The following MIER1 variants were observed in gnomAD, a reference collection of about 807,000 sequenced individuals.
The protein encoded by MIER1 is MIER1 transcriptional regulator, also known as mesoderm induction early response protein 1.
A neutral mutation model predicts 75.7 loss-of-function variants in MIER1; 40 were observed. The ratio of observed to expected loss-of-function variants is 0.53; its 90% CI spans 0.41 to 0.69. MIER1 has a LOEUF of 0.69. Among genes scored for constraint, MIER1 ranks in the 30% least tolerant of loss-of-function variants. MIER1 has a pLI of 0.00. For missense variants in MIER1, 574 were observed against 680.2 expected, an observed-to-expected ratio of 0.84 and a Z score of 1.74; for synonymous variants, 213 against 223.4, an observed-to-expected ratio of 0.95 and a Z score of 0.42.
Position 66,981,880 on chromosome 1 carries a change from A to T in MIER1, c.1331A>T (p.Glu444Val). The change falls in exon 13 of 14, where the codon GAG becomes GTG. Residue 444 changes from glutamate (E) to valine (V), a missense_variant. Transcript: ENST00000401041. ...TASNSSNSQS[E>V]KEDGTVSTAN... Reference sequence around the variant, plus strand: ...TCAAACAGTAGTAACAGCCAGTCTGAGAAAGAAGATGGCACTGTAAGCACT... The same window carrying T: ...TCAAACAGTAGTAACAGCCAGTCTGTGAAAGAAGATGGCACTGTAAGCACT... 6.2e-7 allele frequency: 1 copy of T among 1,614,092 alleles called. No homozygotes were observed. The highest frequency in any genetic ancestry group is 8.5e-7 in the Non-Finnish European group (1 of 1,179,916).
At chr1:66,977,429 A>T (rs1167404953) in intron 12 of MIER1, among the ~76,000 whole-genome samples, 3 of 151,948 alleles carry the variant, frequency 2.0e-5, no homozygotes. Flanking sequence ...TTTATAGAGG[A>T]AAAAAAACAT....
intron 2 of MIER1, among the ~76,000 whole-genome samples, chr1:66,931,111 C>A (rs976819409): frequency 6.8e-6 from 1 of 147,640 alleles, no homozygotes; most frequent in African/African-American, 2.5e-5. Flanking sequence ...TCTTTCTCTT[C>A]TAATTTTTCT....
chr1:66,941,645 AGGCT>A (rs907407556), intron 3 of MIER1, among the ~76,000 whole-genome samples: 3 of 152,194 alleles, frequency 2.0e-5, no homozygotes, highest in African/African-American at 4.8e-5. Context: ...GAATCAGCCT[AGGCT>A]GAACTGGAAG....
At chr1:66,976,826 T>G in intron 12 of MIER1, 104 bp downstream of exon 12, 3 of 1,013,008 alleles carry the variant, frequency 3.0e-6, no homozygotes, top group Non-Finnish European at 2.7e-6. Flanking sequence ...TTTATATACT[T>G]GATCTTAACC....
At chr1:66,977,573 A>G (rs1664978508) in intron 12 of MIER1, among the ~76,000 whole-genome samples, 1 of 152,152 alleles carries the variant, frequency 6.6e-6, no homozygotes, top group African/African-American at 2.4e-5. Flanking sequence ...CTTTATGTAA[A>G]ATGTCTGATA....
rs1666810249 is a variant in MIER1 at position 66,986,583 on chromosome 1, CAT to C, written c.*1686_*1687del. On this transcript the variant is annotated 3_prime_UTR_variant, in exon 14 of 14. Coordinates refer to ENST00000401041, the MANE Select transcript of MIER1 (RefSeq NM_001077700.3). ...TACCCCCATGAAGTATTACTGTTAA[CAT>C]ATGTTCGGACTGCTTCCCTTCACCA... 2.2e-6 allele frequency: 2 copies of C among 890,282 alleles called. No homozygotes were observed. Among genetic ancestry groups the C allele is most frequent in the Non-Finnish European group, 3.6e-6 (2 of 551,126 alleles). The allele number at this position is 890,282 out of a possible 1,614,324, so 55.1% of individuals were successfully genotyped here.
At chr1:66,925,710 C>T (rs1249148675) in intron 1 of MIER1, among the ~76,000 whole-genome samples, 2 of 152,202 alleles carry the variant, frequency 1.3e-5, no homozygotes, top group African/African-American at 4.8e-5. Context: ...GGCTAGGTCC[C>T]TGGCCTGGAG....
At position 66,986,290 on chromosome 1, in the gene MIER1, A is replaced by G. The variant is rs949647122; in HGVS notation, c.*1390A>G. ...ATCTGCATAGCCTTGTAAAAGTGCCATTTTATTTTTAGTGCTAAATTCTTG... is the reference window on the plus strand; with the variant it reads ...ATCTGCATAGCCTTGTAAAAGTGCCGTTTTATTTTTAGTGCTAAATTCTTG... On this transcript the variant is annotated 3_prime_UTR_variant, in exon 14 of 14. Transcript: ENST00000401041. 4 of 1,469,042 alleles carry G rather than the reference A, an allele frequency of 2.7e-6. No individual in the cohort carries two copies. The highest frequency in any genetic ancestry group is 3.6e-6 in the Non-Finnish European group (4 of 1,117,392). The allele number at this position is 1,469,042 out of a possible 1,614,324, so 91.0% of individuals were successfully genotyped here.
At chr1:66,957,107 TATA>T (rs1281170502) in intron 4 of MIER1, among the ~76,000 whole-genome samples, 2 of 152,226 alleles carry the variant, frequency 1.3e-5, no homozygotes, top group East Asian at 3.8e-4. Context: ...TGCATGAGTG[TATA>T]ATATGTTCAC....
intron 11 of MIER1, among the ~76,000 whole-genome samples, chr1:66,973,237 T>TA (rs1664059780): frequency 1.3e-5 from 2 of 152,126 alleles, no homozygotes; most frequent in Non-Finnish European, 2.9e-5. Context: ...ACAAGCATGT[T>TA]AATCAACTTC....
In MIER1 at chr1:66,981,855, T is replaced by A. The variant is rs1446686764; in HGVS notation, c.1306T>A (p.Ser436Thr). The part of the protein sequence containing the change: ...SRAPSPPPTA[S>T]NSSNSQSEKE... ...AGCACCATCCCCTCCCCCAACTGCA[T>A]CAAACAGTAGTAACAGCCAGTCTGA... The change falls in exon 13 of 14, where the codon TCA (serine) becomes ACA (threonine). Residue 436 changes from serine to threonine, a missense_variant. By Grantham distance (58) the Ser-to-Thr change is moderately conservative. Transcript: ENST00000401041. 3 of 1,614,038 alleles carry A rather than the reference T, an allele frequency of 1.9e-6. No homozygotes were observed. Among genetic ancestry groups the A allele is most frequent in the Non-Finnish European group, 2.5e-6 (3 of 1,179,920 alleles).
intron 2 of MIER1, among the ~76,000 whole-genome samples, chr1:66,926,642 A>T (rs1026388415): frequency 4.3e-4 from 65 of 152,228 alleles, no homozygotes; most frequent in African/African-American, 1.5e-3. Flanking sequence ...TTTTCAACCA[A>T]ATTAGTAATT....
Position 66,925,093 on chromosome 1 carries a change from G to A in MIER1, c.65G>A (p.Gly22Asp), listed in dbSNP as rs1455441891. Reference sequence around the variant, plus strand: ...GGTGGCGGCGGCAGCAGCGGCAGCGGCTGTAAGTGCAGCCTCCACAAGCCA... The same window carrying A: ...GGTGGCGGCGGCAGCAGCGGCAGCGACTGTAAGTGCAGCCTCCACAAGCCA... ...SEGGGGSSGS[G>D]YGVVARFSQC... The change falls in exon 1 of 14, where the codon GGC becomes GAC. Residue 22 changes from glycine to aspartate, a missense_variant and splice_region_variant. Around this residue, in one of 3 missense-constraint regions of MIER1, gnomAD observed 309 missense variants for 352.8 expected, o/e 0.88. Transcript: ENST00000401041. The A allele has an allele frequency of 1.4e-5, 22 of 1,547,986 alleles. No individual in the cohort carries two copies. Among genetic ancestry groups the A allele is most frequent in the Admixed American group, 2.0e-5 (1 of 49,650 alleles).
Position 66,926,188 on chromosome 1 carries a change from G to T in MIER1, c.114G>T (p.Thr38=). The part of the protein sequence containing the change: ...RFSQCLAEFR[T]WLRTNWLRFN... ...CCCAGTGCCTGGCTGAGTTTCGGAC[G>T]TGGTTAAGAACCAACTGGTTGAGGT... Residue 38 remains threonine, a synonymous_variant, in exon 2 of 14, where the codon ACG becomes ACT. Coordinates refer to ENST00000401041, the MANE Select transcript of MIER1 (RefSeq NM_001077700.3). 2 of 1,613,928 alleles carry T rather than the reference G, an allele frequency of 1.2e-6. No individual in the cohort carries two copies. Among genetic ancestry groups the T allele is most frequent in the South Asian group, 2.2e-5 (2 of 91,072 alleles).
At position 66,955,946 on chromosome 1, in the gene MIER1, C is replaced by T. The variant is rs542418976; in HGVS notation, c.340-2113C>T. Among the ~76,000 whole-genome samples the T allele has an allele frequency of 2.0e-5, 3 of 152,140 alleles. No homozygotes were observed. The East Asian group carries it at 5.8e-4, about 29-fold the overall frequency. The stretch of plus-strand genomic sequence containing the variant: ...TGCCTGACGTTTCTCTGCCTGGTTT[C>T]CTTATTTGCAAATAAAGGTAGCAAG... On this transcript the variant is annotated intron_variant, in intron 4 of 13. Transcript: ENST00000401041.
chr1:66,969,342 G>A (rs970134565), intron 8 of MIER1, among the ~76,000 whole-genome samples: 26 of 151,784 alleles, frequency 1.7e-4, no homozygotes, highest in African/African-American at 5.3e-4. Context: ...TCAGGAGATC[G>A]AGAACCATCC....
chr1:66,985,773 T>C lies in MIER1; in HGVS notation c.*873T>C, dbSNP rs1666689727. ...TGTTTGTGTAGTAATTAAGTCATAT[T>C]TCTTATCCAGGTGGTTAAAGCATTC... On this transcript the variant is annotated 3_prime_UTR_variant, in exon 14 of 14. Coordinates refer to ENST00000401041, the MANE Select transcript of MIER1 (RefSeq NM_001077700.3). 1.1e-6 allele frequency: 1 copy of C among 948,460 alleles called. No individual in the cohort carries two copies. Among genetic ancestry groups the C allele is most frequent in the African/African-American group, 1.8e-5 (1 of 56,288 alleles). The allele number at this position is 948,460 out of a possible 1,614,324, so 58.8% of individuals were successfully genotyped here.
chr1:66,979,241 TTC>T (rs1203396664), intron 12 of MIER1, among the ~76,000 whole-genome samples: 1 of 152,238 alleles, frequency 6.6e-6, no homozygotes, highest in Non-Finnish European at 1.5e-5. Context: ...TCTGGTTTGC[TTC>T]CATTACCATC....
chr1:66,966,612 C>CT (rs1662463092), intron 8 of MIER1, among the ~76,000 whole-genome samples: 2 of 152,204 alleles, frequency 1.3e-5, no homozygotes, highest in African/African-American at 2.4e-5. Context: ...AATCGCCACA[C>CT]TGTCTTCCAC....
Sources: allele counts gnomAD v4.1 joint callset (sites outside exome capture counted in the v4.1 genomes callset), GRCh38; gene constraint gnomAD v4.1.1; regional missense constraint gnomAD v4.1.1; transcripts MANE v1.5; gene names NCBI Gene and HGNC (gene_info 2026-07-23, HGNC 2026-07-21).